Variants in LAMC3 observed in about 807,000 individuals in gnomAD.
LAMC3 encodes laminin subunit gamma-3.
Under a neutral mutation model 173.8 loss-of-function variants are expected in LAMC3, and 128 were observed. The observed-to-expected ratio is 0.74, with a 90% CI of 0.64 to 0.85. The LOEUF is 0.85. Ranked by LOEUF, LAMC3 falls within the 40% of genes least tolerant of loss-of-function variation. The pLI is 0.00. For synonymous variants in LAMC3, 897 were observed against 909.1 expected, an observed-to-expected ratio of 0.99 and a Z score of 0.24; for missense variants, 2,022 against 2,156.0, an observed-to-expected ratio of 0.94 and a Z score of 1.23.
Position 131,068,183 on chromosome 9 carries a change from G to A in LAMC3, c.2699G>A (p.Arg900His), listed in dbSNP as rs781114465. ...CATGTGACTGCACGGGACTGCAGCC[G>A]CTGCTACCCTGGCTTCTTCGACCTC... Reference protein sequence around the residue: ...LPHVTARDCSRCYPGFFDLQP... With the variant: ...LPHVTARDCSHCYPGFFDLQP... The change falls in exon 15 of 28, where the codon CGC (arginine) becomes CAC (histidine). Residue 900 changes from arginine to histidine, a missense_variant. Arg to His is a conservative substitution (Grantham distance 29). Coordinates refer to ENST00000361069, the MANE Select transcript of LAMC3 (RefSeq NM_006059.4). 2.0e-5 allele frequency: 33 copies of A among 1,612,840 alleles called. No individual in the cohort carries two copies. The highest frequency in any genetic ancestry group is 1.6e-4 in the East Asian group (7 of 44,878).
At chr9:131,045,936 C>T (rs1409021047) in intron 8 of LAMC3, among the ~76,000 whole-genome samples, 1 of 152,198 alleles carries the variant, frequency 6.6e-6, no homozygotes, top group East Asian at 1.9e-4. Flanking sequence ...GGGAATTTCC[C>T]ACTCACCCCG....
At chr9:131,050,983 G>GT (rs1834273356) in intron 9 of LAMC3, among the ~76,000 whole-genome samples, 1 of 152,142 alleles carries the variant, frequency 6.6e-6, no homozygotes, top group South Asian at 2.1e-4. Flanking sequence ...AGTGCAGCCG[G>GT]GGCATGTGGC....
chr9:131,038,366 C>T (rs1012114588), intron 4 of LAMC3, among the ~76,000 whole-genome samples: 17 of 152,208 alleles, frequency 1.1e-4, no homozygotes, highest in Admixed American at 6.5e-5. Flanking sequence ...CCTGAGCTCA[C>T]TCTGGGAGCC....
rs557472452 is a variant in LAMC3, at chr9:131,015,003, A to G, written c.373+5416A>G. ...AAAAAAGAAAAATGTAGTTGAACAAATGCTTCGTGCCTGGGACTGTTCCAA... is the reference window on the plus strand; with the variant it reads ...AAAAAAGAAAAATGTAGTTGAACAAGTGCTTCGTGCCTGGGACTGTTCCAA... On this transcript the variant is annotated intron_variant, in intron 1 of 27. Transcript: ENST00000361069. Among the ~76,000 whole-genome samples, 22 of 152,218 alleles carry G rather than the reference A, an allele frequency of 1.4e-4. 1 individual carries two copies. The South Asian group carries it at 4.6e-3, about 32-fold the overall frequency.
intron 1 of LAMC3, among the ~76,000 whole-genome samples, chr9:131,011,899 C>A (rs899265683): frequency 1.3e-5 from 2 of 152,058 alleles, no homozygotes; most frequent in Non-Finnish European, 2.9e-5. Flanking sequence ...TGAGGTAGTT[C>A]CTGTTTACTG....
At position 131,061,628 on chromosome 9, in the gene LAMC3, G is replaced by A. The variant is rs540420796; in HGVS notation, c.2347+405G>A. Among the ~76,000 whole-genome samples the A allele has an allele frequency of 4.6e-5, 7 of 152,246 alleles. No homozygotes were observed. The East Asian group carries it at 9.6e-4, about 21-fold the overall frequency. On this transcript the variant is annotated intron_variant, in intron 13 of 27. Coordinates refer to ENST00000361069, the MANE Select transcript of LAMC3 (RefSeq NM_006059.4). ...TAATGTGCAAAGCAGAACCACCTAC[G>A]CCCACCCTTGTTCCCAGGCTCCTTG...
At chr9:131,054,610 C>T (rs1834363970) in intron 11 of LAMC3, among the ~76,000 whole-genome samples, 2 of 151,950 alleles carry the variant, frequency 1.3e-5, no homozygotes, top group Non-Finnish European at 2.9e-5. Flanking sequence ...AAAAATTAGC[C>T]GGGTATGGTG....
At chr9:131,032,299 G>A in intron 3 of LAMC3, 124 bp downstream of exon 3, 1 of 843,328 alleles carries the variant, frequency 1.2e-6, no homozygotes, top group Non-Finnish European at 2.0e-6. Context: ...GGGAGAGGGA[G>A]GGAGCACCTG....
Position 131,085,643 on chromosome 9 carries a change from C to T in LAMC3, c.4150C>T (p.Leu1384=). The T allele has an allele frequency of 6.2e-7, 1 of 1,614,174 alleles. No individual in the cohort carries two copies. The highest frequency in any genetic ancestry group is 8.5e-7 in the Non-Finnish European group (1 of 1,180,040). ...GAAGACCAAGCAGGCGGAGAGGATG[C>T]TGGGAAACGCGGCCCCTCTTTCCTC... The part of the protein sequence containing the change: ...RKKTKQAERM[L]GNAAPLSSSA... The change falls in exon 25 of 28, where the codon CTG becomes TTG. Residue 1384 remains leucine (L), a synonymous_variant. Transcript: ENST00000361069.
At chr9:131,038,837 C>T in intron 4 of LAMC3, 27 bp from the exon 5 acceptor site, 1 of 1,610,140 alleles carries the variant, frequency 6.2e-7, no homozygotes, top group Non-Finnish European at 8.5e-7. Context: ...AGGGGACTCA[C>T]ACACCTTTCC....
intron 13 of LAMC3, among the ~76,000 whole-genome samples, chr9:131,061,814 C>G (rs1465510042): frequency 6.6e-6 from 1 of 152,082 alleles, no homozygotes; most frequent in East Asian, 1.9e-4. Flanking sequence ...CTTTGGGAAG[C>G]CAAGGTGGGC....
chr9:131,020,012 C>A lies in LAMC3; in HGVS notation c.374-6273C>A, dbSNP rs995481732. On this transcript the variant is annotated intron_variant, in intron 1 of 27. Coordinates refer to ENST00000361069, the MANE Select transcript of LAMC3 (RefSeq NM_006059.4). ...GTCATAAAATCAAGCTGGCCCACAT[C>A]CGGCACTGACCAAGCAGAATGAGCT... 2.6e-5 allele frequency among the ~76,000 whole-genome samples: 4 copies of A among 152,098 alleles called. No homozygotes were observed. In the East Asian group the frequency reaches 7.7e-4, roughly 29 times the overall value.
At chr9:131,070,604 G>A (rs1291929098) in intron 17 of LAMC3, among the ~76,000 whole-genome samples, 1 of 152,080 alleles carries the variant, frequency 6.6e-6, no homozygotes, top group African/African-American at 2.4e-5. Flanking sequence ...CCAGCTACTC[G>A]GGAGGCTGAG....
chr9:131,059,057 G>A (rs2133295056), intron 12 of LAMC3, among the ~76,000 whole-genome samples: 1 of 152,076 alleles, frequency 6.6e-6, no homozygotes, highest in Middle Eastern at 3.4e-3. Flanking sequence ...AATTAGCCAG[G>A]TGTGGTTAGG....
At chr9:131,064,113 G>T (rs1308424503) in intron 13 of LAMC3, among the ~76,000 whole-genome samples, 1 of 152,012 alleles carries the variant, frequency 6.6e-6, no homozygotes, top group Non-Finnish European at 1.5e-5. Flanking sequence ...TTGCCATGTT[G>T]ACCAGGCTGG....
intron 11 of LAMC3, among the ~76,000 whole-genome samples, chr9:131,054,744 CAAAG>C (rs779509969): frequency 3.9e-5 from 5 of 129,778 alleles, no homozygotes; most frequent in African/African-American, 9.0e-5. Flanking sequence ...GACCTTGTCT[CAAAG>C]AAAGAAAGAA....
Position 131,010,407 on chromosome 9 carries a change from GC to G in LAMC3, c.373+824del, listed in dbSNP as rs1833392450. On this transcript the variant is annotated intron_variant, in intron 1 of 27. Coordinates refer to ENST00000361069, the MANE Select transcript of LAMC3 (RefSeq NM_006059.4). The stretch of plus-strand genomic sequence containing the variant: ...TAGCCAGAAGGATAGACTGAGGGGT[GC>G]CCCGTGGGGCGGGAGAGGCAGGGAG... 2.0e-5 allele frequency among the ~76,000 whole-genome samples: 3 copies of G among 152,344 alleles called. No homozygotes were observed. The South Asian group carries it at 6.2e-4, about 32-fold the overall frequency.
chr9:131,052,616 C>T lies in LAMC3; in HGVS notation c.1756C>T (p.Leu586=). ...RLEGTGLALS[L]RHSSLSGPQD... ...GGAAGGGACAGGCTTGGCCCTGTCC[C>T]TGAGGCACTCTAGCCTGTCTGGCCC... The change falls in exon 10 of 28, where the codon CTG becomes TTG. Residue 586 remains leucine, a synonymous_variant. Coordinates refer to ENST00000361069, the MANE Select transcript of LAMC3 (RefSeq NM_006059.4). The T allele has an allele frequency of 6.2e-7, 1 of 1,613,986 alleles. No homozygotes were observed. The highest frequency in any genetic ancestry group is 8.5e-7 in the Non-Finnish European group (1 of 1,179,968).
At chr9:131,046,897 G>C (rs1226015827) in intron 8 of LAMC3, among the ~76,000 whole-genome samples, 1 of 152,170 alleles carries the variant, frequency 6.6e-6, no homozygotes. Context: ...CCAGACATGA[G>C]GGCCGCGCGC....
Sources: allele counts gnomAD v4.1 joint callset (sites outside exome capture counted in the v4.1 genomes callset), GRCh38; gene constraint gnomAD v4.1.1; transcripts MANE v1.5; gene names NCBI Gene and HGNC (gene_info 2026-07-23, HGNC 2026-07-21).